The following LMCD1 variants were observed in gnomAD, a reference collection of about 807,000 sequenced individuals.
LMCD1 encodes LIM and cysteine-rich domains protein 1.
Under a neutral mutation model 42.7 loss-of-function variants are expected in LMCD1, and 32 were observed. The observed-to-expected ratio is 0.75, with a 90% confidence interval of 0.57 to 1.01. The LOEUF is 1.01. LMCD1 is among the 50% of genes least tolerant of loss of function. The pLI, the probability that LMCD1 is intolerant of heterozygous loss-of-function variation, is 0.00. For missense variants in LMCD1, 458 were observed against 483.1 expected, an observed-to-expected ratio of 0.95 and a Z score of 0.49; for synonymous variants, 178 against 184.9, an observed-to-expected ratio of 0.96 and a Z score of 0.30.
At chr3:8,505,024 T>C (rs1294461656) in intron 1 of LMCD1, among the ~76,000 whole-genome samples, 1 of 152,230 alleles carries the variant, frequency 6.6e-6, no homozygotes, top group Non-Finnish European at 1.5e-5. Flanking sequence ...AGTAACAGCA[T>C]CTACCTCCCA....
At chr3:8,529,553 T>C (rs552386323) in intron 1 of LMCD1, among the ~76,000 whole-genome samples, 5 of 152,312 alleles carry the variant, frequency 3.3e-5, no homozygotes, top group African/African-American at 1.2e-4. Context: ...TTCAGGTGAT[T>C]GGTAGCAGAG....
rs375913382 is a variant in LMCD1, at chr3:8,537,367, T to C, written c.314T>C (p.Ile105Thr). 38 of 1,613,030 alleles carry C rather than the reference T, an allele frequency of 2.4e-5. No homozygotes were observed. In the African/African-American group the frequency reaches 4.0e-4, roughly 17 times the overall value. Reference protein sequence around the residue: ...KRNRMIMTNPIATGKDPTFDT... With the variant: ...KRNRMIMTNPTATGKDPTFDT... ...AACCGGATGATCATGACCAACCCTATTGCTACTGGGAAAGATCCCACTTTT... is the reference window on the plus strand; with the variant it reads ...AACCGGATGATCATGACCAACCCTACTGCTACTGGGAAAGATCCCACTTTT... Residue 105 changes from isoleucine (I) to threonine (T), a missense_variant, in exon 3 of 6, where the codon ATT (isoleucine) becomes ACT (threonine). Transcript: ENST00000157600.
At position 8,502,321 on chromosome 3, in the gene LMCD1, T is replaced by TTATATATATAAAA. The variant is rs374113478; in HGVS notation, c.42+349_42+350insTAAAATATATATA. Among the ~76,000 whole-genome samples the TTATATATATAAAA allele has an allele frequency of 9.3e-4, 24 of 25,752 alleles. 2 individuals carry two copies. The East Asian group carries it at 0.023, about 25-fold the overall frequency. 16.9% of individuals were successfully genotyped at this position (25,752 alleles called of 152,430 possible). ...TTATATATAATATATAAAATATATA[T>TTATATATATAAAA]TATATATAATATATATTATATATAA... On this transcript the variant is annotated intron_variant, in intron 1 of 5. Coordinates refer to ENST00000157600, the MANE Select transcript of LMCD1 (RefSeq NM_014583.4).
At chr3:8,502,569 TACACACAC>T (rs5846600) in intron 1 of LMCD1, among the ~76,000 whole-genome samples, 127 of 134,426 alleles carry the variant, frequency 9.4e-4, no homozygotes, top group Middle Eastern at 3.6e-3. Flanking sequence ...TTTCCCCCAA[TACACACAC>T]ACACACACAC....
intron 1 of LMCD1, among the ~76,000 whole-genome samples, chr3:8,503,842 A>G (rs1336498611): frequency 1.3e-5 from 2 of 152,230 alleles, no homozygotes; most frequent in South Asian, 4.1e-4. Flanking sequence ...TATTTTTAAT[A>G]TAAGCTGGTT....
At chr3:8,549,926 T>C (rs1457520399) in intron 4 of LMCD1, 1 of 846,044 alleles carries the variant, frequency 1.2e-6, no homozygotes, top group South Asian at 1.4e-5. Context: ...CATAAGTGGA[T>C]TAATCCATTC....
chr3:8,546,763 C>T (rs1341032954), intron 3 of LMCD1, among the ~76,000 whole-genome samples: 1 of 152,114 alleles, frequency 6.6e-6, no homozygotes, highest in Non-Finnish European at 1.5e-5. Context: ...GGTGTAAGTC[C>T]ATGAGTGAAG....
At chr3:8,503,787 G>A (rs1246405167) in intron 1 of LMCD1, among the ~76,000 whole-genome samples, 1 of 152,186 alleles carries the variant, frequency 6.6e-6, no homozygotes, top group Non-Finnish European at 1.5e-5. Flanking sequence ...CACGGCTAAA[G>A]GTGGCAGAGT....
At chr3:8,509,068 G>C (rs1426065782) in intron 1 of LMCD1, among the ~76,000 whole-genome samples, 1 of 152,176 alleles carries the variant, frequency 6.6e-6, no homozygotes, top group Admixed American at 6.5e-5. Context: ...ATAGCTCACC[G>C]TAGTTCTACA....
chr3:8,523,437 G>T (rs1694240638), intron 1 of LMCD1, among the ~76,000 whole-genome samples: 1 of 152,210 alleles, frequency 6.6e-6, no homozygotes, highest in Non-Finnish European at 1.5e-5. Flanking sequence ...CGAGGTCTTT[G>T]TTGCTGTCTG....
intron 1 of LMCD1, among the ~76,000 whole-genome samples, chr3:8,529,389 G>C (rs1456480039): frequency 6.6e-6 from 1 of 152,200 alleles, no homozygotes; most frequent in Non-Finnish European, 1.5e-5. Flanking sequence ...CATGGAAACT[G>C]TCCCACTAGC....
intron 1 of LMCD1, 80 bp from the exon 2 acceptor site, chr3:8,532,657 C>G: frequency 8.2e-7 from 1 of 1,214,832 alleles, no homozygotes; most frequent in South Asian, 1.3e-5. Context: ...TTTGCCAGCA[C>G]GCCAAGTCTT....
At chr3:8,509,689 C>T (rs929885793) in intron 1 of LMCD1, among the ~76,000 whole-genome samples, 5 of 152,182 alleles carry the variant, frequency 3.3e-5, no homozygotes, top group Non-Finnish European at 5.9e-5. Context: ...CCAACACACA[C>T]ACATACCTCT....
intron 5 of LMCD1, 105 bp downstream of exon 5, chr3:8,565,752 G>A: frequency 1.8e-6 from 2 of 1,131,254 alleles, no homozygotes; most frequent in Non-Finnish European, 2.5e-6. Context: ...GTGTTCTACA[G>A]ATTGGGAAAC....
chr3:8,553,848 C>T (rs1694883032), intron 4 of LMCD1, among the ~76,000 whole-genome samples: 1 of 152,178 alleles, frequency 6.6e-6, no homozygotes, highest in Non-Finnish European at 1.5e-5. Flanking sequence ...TGCTACTGCA[C>T]CCACTGTCAC....
chr3:8,574,068 T>C lies in LMCD1; in HGVS notation c.*6470T>C, dbSNP rs1307014389. 1 of 152,256 alleles carries C rather than the reference T, an allele frequency of 6.6e-6. No homozygotes were observed. The highest frequency in any genetic ancestry group is 1.5e-5 in the Non-Finnish European group (1 of 68,058). The allele number at this position is 152,256 out of a possible 1,614,324, so 9.4% of individuals were successfully genotyped here. A position where few individuals can be genotyped will look rare whatever the true frequency, so the allele number is the denominator to read the frequency against. ...TCTGTCTTCCTCCACACTGGCTTTA[T>C]TCTTAGGTAGGCTTACCCAGATAGT... On this transcript the variant is annotated 3_prime_UTR_variant, in exon 6 of 6. Transcript: ENST00000157600.
At chr3:8,529,568 G>A (rs191158211) in intron 1 of LMCD1, among the ~76,000 whole-genome samples, 130 of 152,294 alleles carry the variant, frequency 8.5e-4, no homozygotes, top group African/African-American at 3.0e-3. Context: ...GCAGAGCACC[G>A]CGAGGGCAAA....
intron 4 of LMCD1, among the ~76,000 whole-genome samples, chr3:8,549,604 G>A (rs1024177549): frequency 6.6e-6 from 1 of 152,176 alleles, no homozygotes; most frequent in Non-Finnish European, 1.5e-5. Context: ...AGAGGTACAT[G>A]GTCCATGCTG....
intron 3 of LMCD1, among the ~76,000 whole-genome samples, chr3:8,538,909 G>A (rs911077911): frequency 6.6e-6 from 1 of 152,202 alleles, no homozygotes; most frequent in African/African-American, 2.4e-5. Flanking sequence ...TGCTCTAAGT[G>A]TGGGCTGTGG....
Sources: allele counts gnomAD v4.1 joint callset (sites outside exome capture counted in the v4.1 genomes callset), GRCh38; gene constraint gnomAD v4.1.1; transcripts MANE v1.5; gene names NCBI Gene and HGNC (gene_info 2026-07-23, HGNC 2026-07-21).